The following GRM5 variants were observed in gnomAD, a reference collection of about 807,000 sequenced individuals.
GRM5 encodes the protein metabotropic glutamate receptor 5.
GRM5 carries 19 observed loss-of-function variants against 83.1 expected under a neutral mutation model. That is an observed-to-expected ratio of 0.23 (90% CI 0.16 to 0.34). The LOEUF is 0.34. GRM5 is among the 10% of genes least tolerant of loss of function. GRM5 has a pLI of 1.00. For synonymous variants in GRM5, 675 were observed against 633.6 expected (o/e 1.07, Z -0.98); for missense variants, 1,160 against 1,588.3 (o/e 0.73, Z 4.58).
chr11:88,559,245 A>G (rs185965987), intron 8 of GRM5, among the ~76,000 whole-genome samples: 1 of 152,240 alleles, frequency 6.6e-6, no homozygotes, highest in Non-Finnish European at 1.5e-5. Flanking sequence ...AGTGCAATAA[A>G]GATGCAGGGA....
At chr11:88,792,868 T>G (rs1943202430) in intron 3 of GRM5, among the ~76,000 whole-genome samples, 1 of 152,130 alleles carries the variant, frequency 6.6e-6, no homozygotes, top group African/African-American at 2.4e-5. Context: ...TGAAAAATAT[T>G]TAAAAATTAC....
At chr11:88,822,077 C>T (rs1943808516) in intron 3 of GRM5, among the ~76,000 whole-genome samples, 1 of 152,034 alleles carries the variant, frequency 6.6e-6, no homozygotes, top group Admixed American at 6.6e-5. Flanking sequence ...TAGATCAAAT[C>T]GTTTAAGTGA....
chr11:88,622,988 T>C (rs12288602), intron 4 of GRM5, among the ~76,000 whole-genome samples: 5,394 of 152,226 alleles, frequency 0.035, 306 homozygotes, highest in African/African-American at 0.12. Context: ...TAAAATGAGA[T>C]TGTATAGGGA....
At chr11:88,546,252 A>G (rs308797) in intron 8 of GRM5, among the ~76,000 whole-genome samples, 92,567 of 151,578 alleles carry the variant, frequency 0.61, 28,746 homozygotes, top group Admixed American at 0.66. Context: ...TTTTTTAATG[A>G]CAATTAATAC....
chr11:88,504,700 T>C lies in GRM5; in HGVS notation c.*3892A>G, dbSNP rs1438377976. ...GAAGTGCTAAAATAAAACATATTTA[T>C]ACAAGTACAAAGCAAAACAATGCTG... On this transcript the variant is annotated 3_prime_UTR_variant, in exon 10 of 10. Transcript: ENST00000305447. 6.6e-6 allele frequency: 1 copy of C among 152,098 alleles called. No homozygotes were observed. The highest frequency in any genetic ancestry group is 1.5e-5 in the Non-Finnish European group (1 of 67,984). 9.4% of individuals were successfully genotyped at this position (152,098 alleles called of 1,614,324 possible).
chr11:89,023,890 TAA>T (rs1565340071), intron 2 of GRM5, among the ~76,000 whole-genome samples: 40 of 140,914 alleles, frequency 2.8e-4, no homozygotes, highest in African/African-American at 1.1e-3. Context: ...AATAAATAAA[TAA>T]ATAAAAATAA....
intron 2 of GRM5, among the ~76,000 whole-genome samples, chr11:88,868,556 C>T (rs764207807): frequency 6.6e-5 from 10 of 151,724 alleles, no homozygotes; most frequent in Admixed American, 1.3e-4. Context: ...GTGTTTGTCA[C>T]AACTATGACA....
chr11:88,577,519 C>T (rs1261101514), intron 7 of GRM5, among the ~76,000 whole-genome samples: 1 of 152,110 alleles, frequency 6.6e-6, no homozygotes, highest in Non-Finnish European at 1.5e-5. Context: ...TTGTTTGTTC[C>T]TTTAAAATAA....
At chr11:88,616,707 A>C (rs1938495664) in intron 4 of GRM5, among the ~76,000 whole-genome samples, 2 of 152,238 alleles carry the variant, frequency 1.3e-5, no homozygotes, top group Middle Eastern at 6.8e-3. Flanking sequence ...GAAGTGAGAA[A>C]TCACTAATAC....
chr11:88,826,165 C>T (rs2135514744), intron 3 of GRM5, among the ~76,000 whole-genome samples: 1 of 152,174 alleles, frequency 6.6e-6, no homozygotes, highest in East Asian at 1.9e-4. Context: ...GTAAGGCCAA[C>T]AGAGTATTGA....
At chr11:88,880,042 C>A (rs532371954) in intron 2 of GRM5, among the ~76,000 whole-genome samples, 1 of 152,008 alleles carries the variant, frequency 6.6e-6, no homozygotes, top group South Asian at 2.1e-4. Flanking sequence ...CTTGAGATTT[C>A]AATATGAAAG....
intron 3 of GRM5, among the ~76,000 whole-genome samples, chr11:88,818,740 C>A (rs1318218724): frequency 1.3e-5 from 2 of 152,014 alleles, no homozygotes; most frequent in Non-Finnish European, 2.9e-5. Flanking sequence ...AAACATATGT[C>A]TCTAAATCAC....
intron 2 of GRM5, among the ~76,000 whole-genome samples, chr11:89,043,297 T>C (rs1941573573): frequency 1.3e-5 from 2 of 152,218 alleles, no homozygotes; most frequent in African/African-American, 4.8e-5. Context: ...GTGTGAAATC[T>C]TGTCAATCAC....
chr11:88,914,376 A>G (rs1298076930), intron 2 of GRM5, among the ~76,000 whole-genome samples: 10 of 152,206 alleles, frequency 6.6e-5, no homozygotes, highest in Non-Finnish European at 1.2e-4. Context: ...CAAGTTCTCT[A>G]TCCTAATGGA....
intron 7 of GRM5, among the ~76,000 whole-genome samples, chr11:88,577,962 T>C (rs1241380337): frequency 6.6e-6 from 1 of 152,046 alleles, no homozygotes; most frequent in Non-Finnish European, 1.5e-5. Flanking sequence ...AATTGGACAG[T>C]GGCATAATAA....
chr11:88,782,029 T>G (rs1294313943), intron 3 of GRM5, among the ~76,000 whole-genome samples: 1 of 152,146 alleles, frequency 6.6e-6, no homozygotes, highest in Non-Finnish European at 1.5e-5. Context: ...TTCATAAAAT[T>G]ATAATTTTTA....
At chr11:88,785,912 C>T (rs1049009269) in intron 3 of GRM5, among the ~76,000 whole-genome samples, 1 of 152,060 alleles carries the variant, frequency 6.6e-6, no homozygotes, top group Non-Finnish European at 1.5e-5. Flanking sequence ...TCCTGCTTTG[C>T]TCAGGTTCCA....
rs183974483 is a variant in GRM5, at chr11:88,779,307, T to A, written c.911+70599A>T. Among the ~76,000 whole-genome samples the A allele has an allele frequency of 6.0e-4, 92 of 152,268 alleles. 1 individual carries two copies. The Middle Eastern group carries it at 0.01, about 17-fold the overall frequency. On this transcript the variant is annotated intron_variant, in intron 3 of 9. Transcript: ENST00000305447. ...GGATTAGTAAGAAGTTGATATTCCTTCAATTCTTCATCTGGCAGAACCTAG... is the reference window on the plus strand; with the variant it reads ...GGATTAGTAAGAAGTTGATATTCCTACAATTCTTCATCTGGCAGAACCTAG...
intron 2 of GRM5, among the ~76,000 whole-genome samples, chr11:88,872,536 G>T (rs1356466013): frequency 6.6e-6 from 1 of 151,372 alleles, no homozygotes; most frequent in Non-Finnish European, 1.5e-5. Context: ...CAAATAGAAA[G>T]CTACAAAGAT....
Sources: gnomAD v4.1 joint callset for allele counts (sites outside exome capture counted in the v4.1 genomes callset) on GRCh38, gnomAD v4.1.1 for gene constraint, MANE v1.5 for transcripts, NCBI Gene and HGNC (gene_info 2026-07-23, HGNC 2026-07-21) for gene names.